B3GALT1: variants seen among roughly 807,000 people sequenced by gnomAD.
B3GALT1 encodes the protein beta-1,3-galactosyltransferase 1, also known as UDP-Gal:betaGlcNAc beta 1,3-galactosyltransferase, polypeptide 1.
B3GALT1 carries 10 observed loss-of-function variants against 23.2 expected under a neutral mutation model. The ratio of observed to expected loss-of-function variants is 0.43; its 90% CI spans 0.27 to 0.73. The LOEUF is 0.73. B3GALT1 is among the 30% of genes least tolerant of loss of function. The pLI is 0.21. For synonymous variants in B3GALT1, 156 were observed against 141.5 expected (o/e 1.10, Z -0.73); for missense variants, 299 against 405.4 (o/e 0.74, Z 2.25).
At chr2:167,705,317 C>T (rs1469983748) in intron 3 of B3GALT1, among the ~76,000 whole-genome samples, 1 of 152,204 alleles carries the variant, frequency 6.6e-6, no homozygotes, top group Non-Finnish European at 1.5e-5. Context: ...AAACTTATCT[C>T]AGCTTTAATC....
At chr2:167,644,500 G>A (rs897682377) in intron 2 of B3GALT1, among the ~76,000 whole-genome samples, 6 of 152,008 alleles carry the variant, frequency 3.9e-5, no homozygotes, top group South Asian at 4.1e-4. Flanking sequence ...AACATTTTAC[G>A]CAGGGCACAG....
chr2:167,628,228 T>C (rs1275684910), intron 2 of B3GALT1, among the ~76,000 whole-genome samples: 1 of 151,670 alleles, frequency 6.6e-6, no homozygotes, highest in Non-Finnish European at 1.5e-5. Flanking sequence ...TGTTCCGTTG[T>C]GAATTGGAGA....
At chr2:167,652,908 A>G (rs1350468085) in intron 3 of B3GALT1, among the ~76,000 whole-genome samples, 2 of 152,232 alleles carry the variant, frequency 1.3e-5, no homozygotes, top group East Asian at 3.9e-4. Context: ...CATAAGAAAA[A>G]CGAAGTTGTT....
At chr2:167,749,174 T>G (rs1172193456) in intron 3 of B3GALT1, among the ~76,000 whole-genome samples, 2 of 152,190 alleles carry the variant, frequency 1.3e-5, no homozygotes, top group Non-Finnish European at 2.9e-5. Flanking sequence ...CTTCACAACC[T>G]TTTCATAGAC....
chr2:167,731,767 G>A (rs181186344), intron 3 of B3GALT1, among the ~76,000 whole-genome samples: 6 of 152,204 alleles, frequency 3.9e-5, no homozygotes, highest in African/African-American at 4.8e-5. Context: ...CTGTTCCACC[G>A]TCTTTTCTGC....
At chr2:167,657,612 C>G (rs1303619952) in intron 3 of B3GALT1, among the ~76,000 whole-genome samples, 1 of 152,048 alleles carries the variant, frequency 6.6e-6, no homozygotes, top group Non-Finnish European at 1.5e-5. Context: ...TCTAATTATT[C>G]ACTTACCAAG....
chr2:167,804,715 C>T (rs1688712838), intron 3 of B3GALT1, among the ~76,000 whole-genome samples: 1 of 152,282 alleles, frequency 6.6e-6, no homozygotes, highest in East Asian at 1.9e-4. Context: ...TTTTCTTAAT[C>T]CAGTCTATCA....
intron 1 of B3GALT1, among the ~76,000 whole-genome samples, chr2:167,323,340 C>G (rs1270582732): frequency 6.6e-6 from 1 of 151,926 alleles, no homozygotes; most frequent in African/African-American, 2.4e-5. Flanking sequence ...TTATAAAATC[C>G]TTAGTTGAGG....
chr2:167,344,504 G>T (rs1047779795), intron 1 of B3GALT1, among the ~76,000 whole-genome samples: 1 of 152,102 alleles, frequency 6.6e-6, no homozygotes, highest in African/African-American at 2.4e-5. Flanking sequence ...GACAATTTGT[G>T]TAACTCTTCT....
intron 2 of B3GALT1, among the ~76,000 whole-genome samples, chr2:167,523,898 G>A (rs1393308865): frequency 6.6e-6 from 1 of 152,086 alleles, no homozygotes; most frequent in African/African-American, 2.4e-5. Flanking sequence ...CCATTAGATG[G>A]GTGGAGCATT....
intron 2 of B3GALT1, among the ~76,000 whole-genome samples, chr2:167,581,505 G>A (rs902795428): frequency 5.3e-5 from 8 of 152,122 alleles, no homozygotes; most frequent in Admixed American, 5.2e-4. Context: ...AAGTATTTCT[G>A]CTGGGTTGCC....
intron 3 of B3GALT1, among the ~76,000 whole-genome samples, chr2:167,687,522 G>C (rs1468828520): frequency 6.6e-6 from 1 of 152,010 alleles, no homozygotes; most frequent in Non-Finnish European, 1.5e-5. Context: ...GAAGAGAGGG[G>C]CAAGGATTAT....
intron 3 of B3GALT1, among the ~76,000 whole-genome samples, chr2:167,735,837 G>A (rs1349361909): frequency 1.3e-5 from 2 of 152,144 alleles, no homozygotes; most frequent in Non-Finnish European, 2.9e-5. Context: ...TGAGTAACTT[G>A]CCAATGGTCA....
At chr2:167,311,531 A>G (rs1523878) in intron 1 of B3GALT1, among the ~76,000 whole-genome samples, 3 of 151,768 alleles carry the variant, frequency 2.0e-5, no homozygotes, top group African/African-American at 7.3e-5. Flanking sequence ...TAGATGCACC[A>G]GGACTTAAAA....
chr2:167,512,025 A>T (rs572165896), intron 2 of B3GALT1, among the ~76,000 whole-genome samples: 1 of 152,316 alleles, frequency 6.6e-6, no homozygotes, highest in Admixed American at 6.5e-5. Context: ...ATGATATGTT[A>T]GGAAGTTAGA....
At chr2:167,864,988 A>G (rs1418246002) in intron 4 of B3GALT1, among the ~76,000 whole-genome samples, 2 of 152,148 alleles carry the variant, frequency 1.3e-5, no homozygotes, top group Non-Finnish European at 2.9e-5. Context: ...AGGTGTTTAT[A>G]AACTTTTTTC....
At chr2:167,835,230 A>G (rs898245932) in intron 4 of B3GALT1, among the ~76,000 whole-genome samples, 5 of 152,218 alleles carry the variant, frequency 3.3e-5, no homozygotes, top group Non-Finnish European at 5.9e-5. Context: ...AGGGCGAGGC[A>G]TTGCCTCACA....
At chr2:167,582,747 C>A (rs1684511163) in intron 2 of B3GALT1, among the ~76,000 whole-genome samples, 1 of 152,160 alleles carries the variant, frequency 6.6e-6, no homozygotes, top group Non-Finnish European at 1.5e-5. Flanking sequence ...AGGATTCATC[C>A]AAGCCCATCC....
At chr2:167,482,528 T>C (rs958568493) in intron 1 of B3GALT1, among the ~76,000 whole-genome samples, 2 of 152,170 alleles carry the variant, frequency 1.3e-5, no homozygotes, top group East Asian at 3.8e-4. Flanking sequence ...CTACAATATA[T>C]ACCGTGTCTT....
Sources: gnomAD v4.1 joint callset for allele counts (sites outside exome capture counted in the v4.1 genomes callset) on GRCh38, gnomAD v4.1.1 for gene constraint, MANE v1.5 for transcripts, NCBI Gene and HGNC (gene_info 2026-07-23, HGNC 2026-07-21) for gene names.